The following LRP1B variants were observed in gnomAD, a reference collection of about 807,000 sequenced individuals.
LRP1B encodes low-density lipoprotein receptor-related protein 1B.
A neutral mutation model predicts 556.6 loss-of-function variants in LRP1B; 217 were observed. The ratio of observed to expected loss-of-function variants is 0.39; its 90% CI spans 0.35 to 0.44. LRP1B has a LOEUF of 0.44. Ranked by LOEUF, LRP1B falls within the 20% of genes least tolerant of loss-of-function variation. LRP1B has a pLI of 1.00. For synonymous variants in LRP1B, 2,047 were observed against 1,865.8 expected, an observed-to-expected ratio of 1.10 and a Z score of -2.50; for missense variants, 5,053 against 5,620.8, an observed-to-expected ratio of 0.90 and a Z score of 3.23.
intron 2 of LRP1B, among the ~76,000 whole-genome samples, chr2:141,637,302 T>TG (rs1689138530): frequency 6.6e-6 from 1 of 152,154 alleles, no homozygotes; most frequent in Non-Finnish European, 1.5e-5. Context: ...CTTCTTTGCA[T>TG]TAAATTATGT....
chr2:141,404,356 AG>A (rs1690551116), intron 3 of LRP1B, among the ~76,000 whole-genome samples: 1 of 152,188 alleles, frequency 6.6e-6, no homozygotes, highest in Admixed American at 6.5e-5. Context: ...GCATACTTCA[AG>A]GTATTTTACA....
intron 2 of LRP1B, among the ~76,000 whole-genome samples, chr2:141,512,524 T>C (rs1028522034): frequency 6.6e-6 from 1 of 152,168 alleles, no homozygotes; most frequent in Non-Finnish European, 1.5e-5. Context: ...ATATTGAGAA[T>C]GGCAGAGCTC....
intron 1 of LRP1B, among the ~76,000 whole-genome samples, chr2:142,048,151 A>G (rs1014102832): frequency 2.0e-5 from 3 of 152,088 alleles, no homozygotes; most frequent in Non-Finnish European, 4.4e-5. Context: ...CATTCGTCTT[A>G]CAAAAGTAGG....
At position 140,389,645 on chromosome 2, in the gene LRP1B, C is replaced by T. The variant is rs139855398; in HGVS notation, c.10415-3636G>A. The stretch of plus-strand genomic sequence containing the variant: ...GAATAATGCCTAAGAAATGCAGATA[C>T]ATATCATGTTTATGGATTAGAAAAC... On this transcript the variant is annotated intron_variant, in intron 66 of 90. Coordinates refer to ENST00000389484, the MANE Select transcript of LRP1B (RefSeq NM_018557.3). Among the ~76,000 whole-genome samples the T allele has an allele frequency of 4.1e-3, 613 of 148,108 alleles. 2 individuals are homozygous for T. The highest frequency in any genetic ancestry group is 0.014 in the African/African-American group (586 of 40,612).
chr2:140,803,977 A>G (rs1175568336), intron 32 of LRP1B, among the ~76,000 whole-genome samples: 1 of 150,824 alleles, frequency 6.6e-6, no homozygotes, highest in African/African-American at 2.4e-5. Context: ...TAGGGAGGGA[A>G]GGAAGGAAGG....
chr2:141,359,134 A>C (rs1688728095), intron 3 of LRP1B, among the ~76,000 whole-genome samples: 1 of 152,008 alleles, frequency 6.6e-6, no homozygotes, highest in Admixed American at 6.6e-5. Context: ...TTGAGGCAAA[A>C]ATATAGCATA....
chr2:142,005,469 A>T (rs1702772649), intron 1 of LRP1B, among the ~76,000 whole-genome samples: 1 of 152,180 alleles, frequency 6.6e-6, no homozygotes, highest in Non-Finnish European at 1.5e-5. Flanking sequence ...TATTGGCAGT[A>T]TACATAATTC....
At chr2:140,447,134 T>C (rs560360069) in intron 63 of LRP1B, among the ~76,000 whole-genome samples, 2 of 152,196 alleles carry the variant, frequency 1.3e-5, no homozygotes, top group South Asian at 2.1e-4. Flanking sequence ...CCTGTTAAGT[T>C]AGGCATTGTA....
At chr2:140,674,495 T>A (rs895064209) in intron 41 of LRP1B, among the ~76,000 whole-genome samples, 1 of 152,330 alleles carries the variant, frequency 6.6e-6, no homozygotes. Flanking sequence ...TTCTACTGAA[T>A]CCAGATCTTT....
At chr2:141,310,058 G>A (rs558343787) in intron 3 of LRP1B, among the ~76,000 whole-genome samples, 1 of 152,192 alleles carries the variant, frequency 6.6e-6, no homozygotes, top group East Asian at 1.9e-4. Context: ...GGTAGAGAGA[G>A]TACCTTTCCA....
intron 3 of LRP1B, among the ~76,000 whole-genome samples, chr2:141,318,720 T>C (rs1260715651): frequency 2.0e-5 from 3 of 152,120 alleles, no homozygotes; most frequent in Admixed American, 1.3e-4. Context: ...GGAGGAACCC[T>C]GGGCTTGCCG....
At chr2:140,284,300 C>G (rs552157582) in intron 84 of LRP1B, among the ~76,000 whole-genome samples, 2 of 128,282 alleles carry the variant, frequency 1.6e-5, no homozygotes, top group African/African-American at 3.0e-5. Flanking sequence ...GCTTCCCCCC[C>G]TCCCCCCCAA....
intron 23 of LRP1B, among the ~76,000 whole-genome samples, chr2:140,889,084 A>T (rs1693726112): frequency 6.6e-6 from 1 of 152,238 alleles, no homozygotes; most frequent in South Asian, 2.1e-4. Context: ...AAAGTAATTT[A>T]ACAAAGTGGT....
intron 15 of LRP1B, among the ~76,000 whole-genome samples, chr2:140,996,475 T>G (rs1697249336): frequency 6.6e-6 from 1 of 152,048 alleles, no homozygotes; most frequent in Admixed American, 6.6e-5. Flanking sequence ...TGTTTTATAA[T>G]TAATTTTTAC....
In LRP1B at chr2:141,485,927, A is replaced by G. The variant is rs561784634; in HGVS notation, c.206-5394T>C. On this transcript the variant is annotated intron_variant, in intron 2 of 90. Transcript: ENST00000389484. ...GAGGCTCTCTGGTAAACCTGGCATT[A>G]CCTCTGTAGTGACTGAATCATGAGG... 3.3e-5 allele frequency among the ~76,000 whole-genome samples: 5 copies of G among 152,258 alleles called. No homozygotes were observed. The South Asian group carries it at 6.2e-4, about 19-fold the overall frequency.
In LRP1B at chr2:141,371,273, T is replaced by C. The variant is rs538255199; in HGVS notation, c.343+109123A>G. ...ACCAGTAACATGTTCTTTCAGTTACTATGGCATTTTAGTATTATCTGAAGT... is the reference window on the plus strand; with the variant it reads ...ACCAGTAACATGTTCTTTCAGTTACCATGGCATTTTAGTATTATCTGAAGT... On this transcript the variant is annotated intron_variant, in intron 3 of 90. Coordinates refer to ENST00000389484, the MANE Select transcript of LRP1B (RefSeq NM_018557.3). 7.9e-5 allele frequency among the ~76,000 whole-genome samples: 12 copies of C among 152,338 alleles called. No homozygotes were observed. The South Asian group carries it at 2.3e-3, about 29-fold the overall frequency.
chr2:140,709,018 TA>T (rs1450902805), intron 37 of LRP1B, among the ~76,000 whole-genome samples: 9 of 152,048 alleles, frequency 5.9e-5, no homozygotes, highest in Non-Finnish European at 1.0e-4. Flanking sequence ...TAACAGGTGT[TA>T]AACTGTCAAC....
intron 84 of LRP1B, among the ~76,000 whole-genome samples, chr2:140,281,777 T>C (rs1682921737): frequency 6.6e-6 from 1 of 151,810 alleles, no homozygotes; most frequent in Admixed American, 6.6e-5. Context: ...ATTCTGTAAC[T>C]GAGGAGCCAG....
intron 79 of LRP1B, among the ~76,000 whole-genome samples, chr2:140,333,710 G>C (rs1242897840): frequency 6.6e-6 from 1 of 152,032 alleles, no homozygotes; most frequent in Admixed American, 6.6e-5. Context: ...TGGAGGGTAG[G>C]TGGCACAGAG....
Sources: gnomAD v4.1 joint callset for allele counts (sites outside exome capture counted in the v4.1 genomes callset) on GRCh38, gnomAD v4.1.1 for gene constraint, MANE v1.5 for transcripts, NCBI Gene and HGNC (gene_info 2026-07-23, HGNC 2026-07-21) for gene names.